The following LY75 variants were observed in gnomAD, a reference collection of about 807,000 sequenced individuals.
LY75 encodes the protein lymphocyte antigen 75.
Under a neutral mutation model 231.7 loss-of-function variants are expected in LY75, and 185 were observed. That is an observed-to-expected ratio of 0.80 (90% CI 0.71 to 0.90). The LOEUF is 0.90. Among genes scored for constraint, LY75 ranks in the 40% least tolerant of loss-of-function variants. LY75 has a pLI of 0.00. For synonymous variants in LY75, 668 were observed against 689.0 expected (o/e 0.97, Z 0.48); for missense variants, 1,947 against 2,050.2 (o/e 0.95, Z 0.97).
rs1054000611 is a variant in LY75 at position 159,894,051 on chromosome 2, C to T, written c.500G>A (p.Arg167Lys). ...AATTAAGAATGGAAATTCACAAGGT[C>T]TCCCATAAGAGTTCCCATCTCTGGT... The part of the protein sequence containing the change: ...IYTRDGNSYG[R>K]PCEFPFLIDG... The change falls in exon 3 of 35, where the codon AGA (arginine) becomes AAA (lysine). Residue 167 changes from arginine (R) to lysine (K), a missense_variant. Transcript: ENST00000263636. 37 of 1,613,268 alleles carry T rather than the reference C, an allele frequency of 2.3e-5. No individual in the cohort carries two copies. The highest frequency in any genetic ancestry group is 3.1e-5 in the Non-Finnish European group (37 of 1,179,614).
intron 19 of LY75, 115 bp from the exon 20 acceptor site, chr2:159,853,467 C>A (rs1176034817): frequency 2.0e-6 from 3 of 1,466,150 alleles, no homozygotes; most frequent in Non-Finnish European, 2.8e-6. Context: ...TACTCTATAC[C>A]CCTTTTTTCT....
chr2:159,804,842 C>G lies in LY75; in HGVS notation c.*202G>C. ...GACTTCAGTTCCAGCTTTGGAGTCC[C>G]CTCCATTCTATTAATTAGGGTGATA... On this transcript the variant is annotated 3_prime_UTR_variant, in exon 35 of 35. Transcript: ENST00000263636. 2.3e-6 allele frequency: 1 copy of G among 437,932 alleles called. No individual in the cohort carries two copies. The allele number at this position is 437,932 out of a possible 1,614,324, so 27.1% of individuals were successfully genotyped here.
In LY75 at chr2:159,810,511, C is replaced by T. The variant is rs561578911; in HGVS notation, c.4699+15G>A. 6 of 1,602,184 alleles carry T rather than the reference C, an allele frequency of 3.7e-6. No homozygotes were observed. The African/African-American group carries it at 8.1e-5, about 22-fold the overall frequency. On this transcript the variant is annotated intron_variant, in intron 32 of 34. Coordinates refer to ENST00000263636, the MANE Select transcript of LY75 (RefSeq NM_002349.4). ...AATTATTGAGTCATAAGAAAATCAA[C>T]AAATTTTAACTCACCATGTTTTGAA...
At chr2:159,873,146 G>A (rs1378322568) in intron 12 of LY75, among the ~76,000 whole-genome samples, 1 of 85,440 alleles carries the variant, frequency 1.2e-5, no homozygotes, top group African/African-American at 3.4e-5. Flanking sequence ...GAAAGAAGAA[G>A]AAAGAAGAAA....
intron 28 of LY75, among the ~76,000 whole-genome samples, chr2:159,824,065 A>C (rs752182199): frequency 6.6e-6 from 1 of 152,218 alleles, no homozygotes; most frequent in Non-Finnish European, 1.5e-5. Context: ...ATCAGCTAGC[A>C]TCATAATGAC....
rs149926130 is a variant in LY75 at position 159,878,282 on chromosome 2, C to T, written c.1774+42G>A. On this transcript the variant is annotated intron_variant, in intron 11 of 34. Coordinates refer to ENST00000263636, the MANE Select transcript of LY75 (RefSeq NM_002349.4). ...TCTTTGGGAGGAGTGCTGCCTTTCA[C>T]TAGTCACAGTATACTACTACTTCAA... is the stretch of plus-strand genomic sequence containing the variant. The T allele has an allele frequency of 2.0e-4, 323 of 1,580,608 alleles. 2 individuals carry two copies. In the East Asian group the frequency reaches 7.1e-3, roughly 35 times the overall value.
intron 28 of LY75, among the ~76,000 whole-genome samples, chr2:159,826,239 A>T (rs1336232492): frequency 6.6e-6 from 1 of 152,242 alleles, no homozygotes. Context: ...CCTTAAGCTG[A>T]TAAGGAACCT....
chr2:159,842,264 A>G lies in LY75; in HGVS notation c.3261T>C (p.Ser1087=). The change falls in exon 24 of 35, where the codon TCT becomes TCC. Residue 1087 remains serine, a synonymous_variant. Coordinates refer to ENST00000263636, the MANE Select transcript of LY75 (RefSeq NM_002349.4). ...TGTTACCTGAATATTTCTGACAGAG[A>G]GACACAAAGTGGCGTTCACTGCAGG... ...FTSCSERHFV[S]LCQKYSEVKS... 6.2e-7 allele frequency: 1 copy of G among 1,611,852 alleles called. No individual in the cohort carries two copies. Among genetic ancestry groups the G allele is most frequent in the Non-Finnish European group, 8.5e-7 (1 of 1,178,688 alleles).
At chr2:159,871,044 A>G (rs1684999297) in intron 13 of LY75, among the ~76,000 whole-genome samples, 1 of 152,160 alleles carries the variant, frequency 6.6e-6, no homozygotes, top group South Asian at 2.1e-4. Context: ...ATATAGGGAT[A>G]CTTACCTTTT....
At chr2:159,835,031 T>C (rs1365552619) in intron 26 of LY75, among the ~76,000 whole-genome samples, 5 of 152,228 alleles carry the variant, frequency 3.3e-5, no homozygotes, top group Non-Finnish European at 7.3e-5. Flanking sequence ...TCATCTCCAG[T>C]TATAGGTTCA....
At chr2:159,861,860 G>A (rs1684713641) in intron 14 of LY75, among the ~76,000 whole-genome samples, 1 of 152,064 alleles carries the variant, frequency 6.6e-6, no homozygotes, top group Admixed American at 6.6e-5. Context: ...AGAAAGCTTT[G>A]AAAACAATCA....
At chr2:159,881,323 T>C in intron 7 of LY75, 83 bp from the exon 8 acceptor site, 1 of 1,436,430 alleles carries the variant, frequency 7.0e-7, no homozygotes, top group Admixed American at 2.2e-5. Context: ...TTTTATATTC[T>C]GATATGGAGT....
At chr2:159,883,294 G>GA (rs535338960) in intron 6 of LY75, among the ~76,000 whole-genome samples, 4,005 of 136,598 alleles carry the variant, frequency 0.029, 153 homozygotes, top group African/African-American at 0.12. Flanking sequence ...AAAAAAAAAA[G>GA]AAAAAAAAAT....
intron 24 of LY75, among the ~76,000 whole-genome samples, chr2:159,841,724 G>C (rs1684035813): frequency 6.6e-6 from 1 of 151,828 alleles, no homozygotes; most frequent in South Asian, 2.1e-4. Context: ...TACTATTAGT[G>C]GACTTAATAC....
At chr2:159,852,645 C>A (rs1468180180) in intron 20 of LY75, among the ~76,000 whole-genome samples, 1 of 152,138 alleles carries the variant, frequency 6.6e-6, no homozygotes, top group Non-Finnish European at 1.5e-5. Flanking sequence ...TCTCGAACTC[C>A]TTGCCTCAAG....
In LY75 at chr2:159,840,932, G is replaced by A; in HGVS notation, c.3304C>T (p.Gln1102Ter). The A allele has an allele frequency of 6.2e-7, 1 of 1,613,798 alleles. No homozygotes were observed. Among genetic ancestry groups the A allele is most frequent in the Non-Finnish European group, 8.5e-7 (1 of 1,179,938 alleles). Residue 1102 changes from glutamine to a stop codon, truncating the protein, a stop_gained, in exon 25 of 35, where the codon CAG becomes TAG. Coordinates refer to ENST00000263636, the MANE Select transcript of LY75 (RefSeq NM_002349.4). LOFTEE classifies it high-confidence loss of function. ...YSEVKSRQTL[Q>*]NASETVKYLN... The stretch of plus-strand genomic sequence containing the variant: ...TACTTTACAGTTTCTGAAGCATTCT[G>A]CAACGTCTGTCTGCTTTTAACTTCT...
intron 28 of LY75, among the ~76,000 whole-genome samples, chr2:159,821,101 T>C (rs370337668): frequency 2.8e-4 from 43 of 152,032 alleles, no homozygotes; most frequent in African/African-American, 9.2e-4. Context: ...GCCTCCCAAA[T>C]TGCTGCGATT....
At position 159,881,004 on chromosome 2, in the gene LY75, A is replaced by G; in HGVS notation, c.1404+79T>C. The G allele has an allele frequency of 2.6e-6, 4 of 1,521,038 alleles. No homozygotes were observed. In the South Asian group the frequency reaches 5.2e-5, roughly 20 times the overall value. The allele number at this position is 1,521,038 out of a possible 1,614,324, so 94.2% of individuals were successfully genotyped here. A position where few individuals can be genotyped will look rare whatever the true frequency, so the allele number is the denominator to read the frequency against. ...CTTTTATTTTCCAGCTTATACGCAA[A>G]CTTCCCAACCAAAGAAGTCTTAATA... On this transcript the variant is annotated intron_variant, in intron 8 of 34. Transcript: ENST00000263636.
At chr2:159,884,252 G>A (rs975455986) in intron 6 of LY75, among the ~76,000 whole-genome samples, 2 of 152,114 alleles carry the variant, frequency 1.3e-5, no homozygotes, top group Admixed American at 6.6e-5. Flanking sequence ...TTTCTTCCCA[G>A]TCTTGGGTAT....
Sources: allele counts gnomAD v4.1 joint callset (sites outside exome capture counted in the v4.1 genomes callset), GRCh38; gene constraint gnomAD v4.1.1; transcripts MANE v1.5; gene names NCBI Gene and HGNC (gene_info 2026-07-23, HGNC 2026-07-21).